The following FREM1 variants were observed in gnomAD, a reference collection of about 807,000 sequenced individuals.
FREM1 encodes FRAS1 related extracellular matrix 1, also known as FRAS1-related extracellular matrix protein 1.
FREM1 carries 220 observed loss-of-function variants against 210.1 expected under a neutral mutation model. The observed-to-expected ratio is 1.05, with a 90% CI of 0.94 to 1.17. FREM1 has a LOEUF of 1.17. FREM1 is among the 50% of genes most tolerant of loss of function. The pLI is 0.00. For synonymous variants in FREM1, 1,189 were observed against 980.2 expected (o/e 1.21, Z -3.98); for missense variants, 3,454 against 2,675.5 (o/e 1.29, Z -6.42).
intron 16 of FREM1, among the ~76,000 whole-genome samples, chr9:14,810,999 G>A (rs562362933): frequency 4.6e-4 from 70 of 152,214 alleles, no homozygotes; most frequent in South Asian, 4.1e-3. Flanking sequence ...AAATCAACAC[G>A]TAGAAGCAAG....
chr9:14,825,057 C>T, intron 10 of FREM1, 65 bp from the exon 11 acceptor site: 2 of 1,062,144 alleles, frequency 1.9e-6, no homozygotes, highest in Non-Finnish European at 2.8e-6. Flanking sequence ...AAATGCCCCA[C>T]AATCACCTAG....
intron 29 of FREM1, among the ~76,000 whole-genome samples, chr9:14,754,241 C>T (rs115164757): frequency 0.011 from 1,734 of 152,240 alleles, 35 homozygotes; most frequent in African/African-American, 0.039. Flanking sequence ...AGGGACATGG[C>T]GCACATCATC....
At chr9:14,879,237 G>A (rs1430160943) in intron 1 of FREM1, among the ~76,000 whole-genome samples, 1 of 151,532 alleles carries the variant, frequency 6.6e-6, no homozygotes, top group African/African-American at 2.4e-5. Flanking sequence ...TTCCGTTACT[G>A]AGAATCTGTC....
chr9:14,772,142 A>G (rs1847680753), intron 25 of FREM1, among the ~76,000 whole-genome samples: 1 of 152,120 alleles, frequency 6.6e-6, no homozygotes, highest in Non-Finnish European at 1.5e-5. Flanking sequence ...TCATGATGAT[A>G]AATATGTGAA....
At chr9:14,864,000 G>T (rs1054940240) in intron 2 of FREM1, 97 bp from the exon 3 acceptor site, 1 of 748,174 alleles carries the variant, frequency 1.3e-6, no homozygotes, top group Non-Finnish European at 2.4e-6. Context: ...AATATGCTCT[G>T]TTAGTAATGT....
In FREM1 at chr9:14,841,481, T is replaced by C. The variant is rs1825689532; in HGVS notation, c.1847A>G (p.Asp616Gly). ...FEDSFQFVLW[D>G]SHEPPNLSVP... ...TGAAAGATTTGGAGGTTCATGGCTG[T>C]CCCACAGGACAAATTGAAAAGAATC... is the stretch of plus-strand genomic sequence containing the variant. Residue 616 changes from aspartate to glycine, a missense_variant, in exon 10 of 37, where the codon GAC becomes GGC. Transcript: ENST00000380880. 2 of 1,611,478 alleles carry C rather than the reference T, an allele frequency of 1.2e-6. No homozygotes were observed.
chr9:14,826,098 C>CTCTTT (rs34939930), intron 10 of FREM1, among the ~76,000 whole-genome samples: 54 of 135,528 alleles, frequency 4.0e-4, no homozygotes, highest in African/African-American at 1.4e-3. Context: ...CTTTCTCAAC[C>CTCTTT]TTTTTTTTTT....
At chr9:14,832,993 T>C (rs1823856041) in intron 10 of FREM1, among the ~76,000 whole-genome samples, 1 of 152,172 alleles carries the variant, frequency 6.6e-6, no homozygotes, top group African/African-American at 2.4e-5. Context: ...CAAACTTGGC[T>C]ATGGGCCTCC....
chr9:14,740,259 A>G lies in FREM1; in HGVS notation c.6255-25T>C, dbSNP rs372755249. On this transcript the variant is annotated intron_variant, in intron 35 of 36. Coordinates refer to ENST00000380880, the MANE Select transcript of FREM1 (RefSeq NM_001379081.2). ...TCTAAATGCAAATGAAAATGAGAGT[A>G]TCAGCAACAAGCAGTTAACATTTCT... is the stretch of plus-strand genomic sequence containing the variant. 2.0e-5 allele frequency: 30 copies of G among 1,513,482 alleles called. No homozygotes were observed. The African/African-American group carries it at 4.0e-4, about 20-fold the overall frequency. 93.8% of individuals were successfully genotyped at this position (1,513,482 alleles called of 1,614,324 possible).
At chr9:14,763,459 C>T (rs1845860618) in intron 27 of FREM1, among the ~76,000 whole-genome samples, 1 of 152,158 alleles carries the variant, frequency 6.6e-6, no homozygotes, top group South Asian at 2.1e-4. Context: ...CATGCCACTG[C>T]ACTCCAGCCT....
At chr9:14,786,596 T>C (rs889660181) in intron 23 of FREM1, among the ~76,000 whole-genome samples, 2 of 152,178 alleles carry the variant, frequency 1.3e-5, no homozygotes, top group Non-Finnish European at 2.9e-5. Flanking sequence ...GGCTTCTAGA[T>C]TCAGAGACCT....
At chr9:14,841,338 T>C in intron 10 of FREM1, 109 bp downstream of exon 10, 3 of 904,716 alleles carry the variant, frequency 3.3e-6, no homozygotes, top group Non-Finnish European at 4.8e-6. Flanking sequence ...TCGATTGTTT[T>C]TCAAATTTTA....
chr9:14,797,476 G>C, intron 21 of FREM1, 22 bp downstream of exon 21: 1 of 1,584,652 alleles, frequency 6.3e-7, no homozygotes, highest in Non-Finnish European at 8.6e-7. Flanking sequence ...AATCTGAAAG[G>C]GACTCTTTTC....
chr9:14,875,813 C>A (rs1446525853), intron 1 of FREM1, among the ~76,000 whole-genome samples: 4 of 152,054 alleles, frequency 2.6e-5, no homozygotes, highest in Non-Finnish European at 5.9e-5. Flanking sequence ...GTTTTATCTA[C>A]TTTTGGTCTT....
intron 23 of FREM1, 48 bp downstream of exon 23, chr9:14,788,871 C>A: frequency 6.9e-7 from 1 of 1,457,130 alleles, no homozygotes; most frequent in Non-Finnish European, 9.4e-7. Flanking sequence ...AATACTTATA[C>A]CAGTTAGCAA....
chr9:14,768,664 A>G (rs756396833), intron 27 of FREM1, among the ~76,000 whole-genome samples: 1 of 152,122 alleles, frequency 6.6e-6, no homozygotes, highest in African/African-American at 2.4e-5. Flanking sequence ...GTGTTTTGCT[A>G]AGAAAAGGAG....
chr9:14,809,483 C>A (rs986567130), intron 16 of FREM1, among the ~76,000 whole-genome samples: 2 of 151,992 alleles, frequency 1.3e-5, no homozygotes, highest in Admixed American at 1.3e-4. Flanking sequence ...CAAGGAAAAT[C>A]TAGAGATTAT....
chr9:14,821,796 C>T (rs547865880), intron 13 of FREM1, among the ~76,000 whole-genome samples: 39 of 152,216 alleles, frequency 2.6e-4, no homozygotes, highest in East Asian at 7.7e-4. Flanking sequence ...GTAGGGTGTG[C>T]GGGTTAAATT....
intron 24 of FREM1, among the ~76,000 whole-genome samples, chr9:14,783,533 C>T (rs1433880786): frequency 3.3e-5 from 5 of 152,174 alleles, no homozygotes; most frequent in African/African-American, 1.2e-4. Context: ...TACAATGGTT[C>T]GTTCAAAGTC....
Sources: allele counts gnomAD v4.1 joint callset (sites outside exome capture counted in the v4.1 genomes callset), GRCh38; gene constraint gnomAD v4.1.1; transcripts MANE v1.5; gene names NCBI Gene and HGNC (gene_info 2026-07-23, HGNC 2026-07-21).